CHMP6: variants seen among roughly 807,000 people sequenced by gnomAD.
CHMP6 encodes the protein chromatin-modifying protein 6.
A neutral mutation model predicts 32.8 loss-of-function variants in CHMP6; 10 were observed. That is an observed-to-expected ratio of 0.30 (90% CI 0.19 to 0.52). The LOEUF is 0.52. Among genes scored for constraint, CHMP6 ranks in the 20% least tolerant of loss-of-function variants. The pLI, the probability that CHMP6 is intolerant of heterozygous loss-of-function variation, is 0.97. For missense variants in CHMP6, 269 were observed against 263.8 expected, an observed-to-expected ratio of 1.02 and a Z score of -0.14; for synonymous variants, 123 against 105.8, an observed-to-expected ratio of 1.16 and a Z score of -1.00.
At chr17:80,998,168 C>T (rs1358970207) in intron 6 of CHMP6, among the ~76,000 whole-genome samples, 198 bp from the exon 7 acceptor site, 1 of 152,196 alleles carries the variant, frequency 6.6e-6, no homozygotes, top group Non-Finnish European at 1.5e-5. Flanking sequence ...GTAGCGGCTG[C>T]GTCACCACCT....
chr17:80,998,782 G>C, intron 7 of CHMP6: 1 of 962,510 alleles, frequency 1.0e-6, no homozygotes, highest in Non-Finnish European at 1.4e-6. Flanking sequence ...TCTCCAACCT[G>C]CCCACTGGGA....
rs1167326095 is a variant in CHMP6, at chr17:80,994,524, C to T, written c.64-57C>T. 6.8e-6 allele frequency: 10 copies of T among 1,465,498 alleles called. No homozygotes were observed. In the South Asian group the frequency reaches 8.8e-5, roughly 13 times the overall value. 90.8% of individuals were successfully genotyped at this position (1,465,498 alleles called of 1,614,324 possible). A position where few individuals can be genotyped will look rare whatever the true frequency, so the allele number is the denominator to read the frequency against. On this transcript the variant is annotated intron_variant, in intron 1 of 7. Transcript: ENST00000325167. ...GGCCTCCATGCCTGGCGCTCAGTAG[C>T]GTGGCCAGGGCTCCCAGTGTGGGCT...
intron 1 of CHMP6, among the ~76,000 whole-genome samples, chr17:80,993,054 T>G (rs558967791): frequency 2.0e-5 from 3 of 152,144 alleles, no homozygotes; most frequent in Non-Finnish European, 4.4e-5. Context: ...GCCTCCATCG[T>G]CCACCTTCCA....
intron 1 of CHMP6, among the ~76,000 whole-genome samples, chr17:80,992,254 C>G (rs541333135): frequency 6.6e-6 from 1 of 151,938 alleles, no homozygotes; most frequent in Non-Finnish European, 1.5e-5. Context: ...GTGGGCGCGG[C>G]TGGTGACTGC....
Position 80,999,169 on chromosome 17 carries a change from T to C in CHMP6, c.*16T>C, listed in dbSNP as rs1467119785. 6.2e-7 allele frequency: 1 copy of C among 1,613,816 alleles called. No homozygotes were observed. Among genetic ancestry groups the C allele is most frequent in the East Asian group, 2.2e-5 (1 of 44,870 alleles). On this transcript the variant is annotated 3_prime_UTR_variant, in exon 8 of 8. Transcript: ENST00000325167. ...AGCTTCGTAACGTGGCCTCGTCTTG[T>C]GGGACTCACGGGGATGCCCCAGGGA...
chr17:80,994,556 C>T (rs768214767), intron 1 of CHMP6, 25 bp from the exon 2 acceptor site: 48 of 1,537,150 alleles, frequency 3.1e-5, no homozygotes, highest in South Asian at 1.3e-4. Context: ...GGCTCGGTGA[C>T]GCCAGGCCCT....
rs560447837 is a variant in CHMP6, at chr17:80,999,480, G to A, written c.*327G>A. ...TGTTCCCCTGCAGTCCCAGCCCCGC[G>A]TGGCTCGCGCTCGTCTGTGAGGAAG... On this transcript the variant is annotated 3_prime_UTR_variant, in exon 8 of 8. Coordinates refer to ENST00000325167, the MANE Select transcript of CHMP6 (RefSeq NM_024591.5). 46 of 328,982 alleles carry A rather than the reference G, an allele frequency of 1.4e-4. No homozygotes were observed. In the East Asian group the frequency reaches 2.1e-3, roughly 15 times the overall value. 20.4% of individuals were successfully genotyped at this position (328,982 alleles called of 1,614,324 possible).
chr17:80,994,662 C>A lies in CHMP6; in HGVS notation c.145C>A (p.Arg49=), dbSNP rs375540118. Residue 49 remains arginine (R), a synonymous_variant, in exon 2 of 8, where the codon CGG becomes AGG. Coordinates refer to ENST00000325167, the MANE Select transcript of CHMP6 (RefSeq NM_024591.5). ...QQLERERALA[R]QLLRDGRKER... Reference sequence around the variant, plus strand: ...GCTGGAGCGCGAGCGCGCCCTGGCCCGGCAGCTGCTGCGGGACGGCAGGAA... The same window carrying A: ...GCTGGAGCGCGAGCGCGCCCTGGCCAGGCAGCTGCTGCGGGACGGCAGGAA... The A allele has an allele frequency of 1.9e-6, 3 of 1,579,810 alleles. No individual in the cohort carries two copies. Among genetic ancestry groups the A allele is most frequent in the Non-Finnish European group, 2.6e-6 (3 of 1,164,966 alleles).
chr17:80,996,181 G>A (rs951127215), intron 4 of CHMP6, among the ~76,000 whole-genome samples: 1 of 152,146 alleles, frequency 6.6e-6, no homozygotes, highest in Non-Finnish European at 1.5e-5. Context: ...TGAGCCAGGC[G>A]TGGTGGCAGG....
In CHMP6 at chr17:80,999,373, G is replaced by A. The variant is rs1423210328; in HGVS notation, c.*220G>A. ...GGCGCCACTGGCCTGCTCTCAGTCCGGATTAACTCTCGACCGAGCCCAGCT... is the reference window on the plus strand; with the variant it reads ...GGCGCCACTGGCCTGCTCTCAGTCCAGATTAACTCTCGACCGAGCCCAGCT... On this transcript the variant is annotated 3_prime_UTR_variant, in exon 8 of 8. Coordinates refer to ENST00000325167, the MANE Select transcript of CHMP6 (RefSeq NM_024591.5). 16 of 540,882 alleles carry A rather than the reference G, an allele frequency of 3.0e-5. No individual in the cohort carries two copies. Among genetic ancestry groups the A allele is most frequent in the African/African-American group, 2.7e-4 (14 of 52,170 alleles). The allele number at this position is 540,882 out of a possible 1,614,324, so 33.5% of individuals were successfully genotyped here.
chr17:80,995,155 G>A, intron 3 of CHMP6, 49 bp downstream of exon 3: 1 of 1,528,198 alleles, frequency 6.5e-7, no homozygotes, highest in Admixed American at 2.0e-5. Flanking sequence ...GCTGGAGGCA[G>A]CTCCGCCCGG....
At chr17:80,994,042 A>C (rs951869991) in intron 1 of CHMP6, among the ~76,000 whole-genome samples, 1 of 152,110 alleles carries the variant, frequency 6.6e-6, no homozygotes, top group Admixed American at 6.5e-5. Context: ...CCTCCCAGGT[A>C]GCTGGGACTA....
At chr17:80,995,595 C>G in intron 3 of CHMP6, 77 bp from the exon 4 acceptor site, 2 of 1,325,512 alleles carry the variant, frequency 1.5e-6, no homozygotes, top group South Asian at 2.5e-5. Context: ...AGGGTGTCAT[C>G]CTGAACCCTG....
At position 80,996,902 on chromosome 17, in the gene CHMP6, TAAAC is replaced by T. The variant is rs1249793200; in HGVS notation, c.349-103_349-100del. The T allele has an allele frequency of 4.1e-5, 46 of 1,130,968 alleles. No homozygotes were observed. The East Asian group carries it at 1.1e-3, about 28-fold the overall frequency. 70.1% of individuals were successfully genotyped at this position (1,130,968 alleles called of 1,614,324 possible). The stretch of plus-strand genomic sequence containing the variant: ...CCTTGTCTTTAAAAATAAATAAAAA[TAAAC>T]AGAGGGGTGAGGCCATGGCCCTGAG... On this transcript the variant is annotated intron_variant, in intron 4 of 7. Transcript: ENST00000325167.
At chr17:80,998,031 G>A (rs1224855961) in intron 6 of CHMP6, among the ~76,000 whole-genome samples, 1 of 152,254 alleles carries the variant, frequency 6.6e-6, no homozygotes, top group Non-Finnish European at 1.5e-5. Flanking sequence ...GTGGACACCA[G>A]CGTGACCTGG....
At chr17:80,996,209 A>G (rs1249293603) in intron 4 of CHMP6, among the ~76,000 whole-genome samples, 3 of 151,998 alleles carry the variant, frequency 2.0e-5, no homozygotes, top group Non-Finnish European at 2.9e-5. Flanking sequence ...AAACCCAGCT[A>G]CTCAAGAGGC....
intron 7 of CHMP6, 169 bp downstream of exon 7, chr17:80,998,589 G>T: frequency 6.8e-7 from 1 of 1,473,984 alleles, no homozygotes. Flanking sequence ...TTGGGCTTGG[G>T]TTTCCCAGGG....
chr17:80,992,355 C>T (rs908624286), intron 1 of CHMP6, among the ~76,000 whole-genome samples: 17 of 151,644 alleles, frequency 1.1e-4, no homozygotes, highest in Non-Finnish European at 2.5e-4. Flanking sequence ...GGCTCTGGGC[C>T]CGCGGGAGCA....
intron 6 of CHMP6, among the ~76,000 whole-genome samples, chr17:80,997,588 C>T (rs556562712): frequency 5.9e-5 from 9 of 152,238 alleles, no homozygotes; most frequent in Middle Eastern, 3.4e-3. Flanking sequence ...CCTGGCGCCT[C>T]GGCCCCTTTC....
Sources: gnomAD v4.1 joint callset for allele counts (sites outside exome capture counted in the v4.1 genomes callset) on GRCh38, gnomAD v4.1.1 for gene constraint, MANE v1.5 for transcripts, NCBI Gene and HGNC (gene_info 2026-07-23, HGNC 2026-07-21) for gene names.